PTK2: variants seen among roughly 807,000 people sequenced by gnomAD.
The protein encoded by PTK2 is focal adhesion kinase 1.
PTK2 carries 45 observed loss-of-function variants against 150.1 expected under a neutral mutation model. That is an observed-to-expected ratio of 0.30 (90% CI 0.24 to 0.38). The LOEUF (loss-of-function observed/expected upper bound fraction) is 0.38. Among genes scored for constraint, PTK2 ranks in the 10% least tolerant of loss-of-function variants. PTK2 has a pLI of 1.00. For synonymous variants in PTK2, 432 were observed against 449.2 expected, an observed-to-expected ratio of 0.96 and a Z score of 0.48; for missense variants, 919 against 1,307.3, an observed-to-expected ratio of 0.70 and a Z score of 4.58.
intron 10 of PTK2, 22 bp downstream of exon 10, chr8:140,818,255 C>A (rs749259799): frequency 6.3e-7 from 1 of 1,595,646 alleles, no homozygotes; most frequent in Non-Finnish European, 8.6e-7. Flanking sequence ...GCCAAGTTCC[C>A]GAAAGGTCAG....
chr8:140,666,627 G>A lies in PTK2; in HGVS notation c.2866-1630C>T, dbSNP rs141824289. Among the ~76,000 whole-genome samples the A allele has an allele frequency of 4.3e-3, 656 of 152,126 alleles. 4 individuals are homozygous for A. Among genetic ancestry groups the A allele is most frequent in the African/African-American group, 0.015 (625 of 41,452 alleles). On this transcript the variant is annotated intron_variant, in intron 30 of 31. Transcript: ENST00000522684. ...AAAATAACCCCCCAGAAAATAACAC[G>A]TTTTGGTGAGAATATGGAGAAACTG...
intron 22 of PTK2, among the ~76,000 whole-genome samples, chr8:140,730,028 T>A (rs972775789): frequency 6.6e-6 from 1 of 152,242 alleles, no homozygotes; most frequent in Non-Finnish European, 1.5e-5. Flanking sequence ...GTTATTTCAA[T>A]GTTATAACTA....
intron 4 of PTK2, among the ~76,000 whole-genome samples, chr8:140,873,443 C>T (rs2100143716): frequency 6.6e-6 from 1 of 151,052 alleles, no homozygotes. Flanking sequence ...TCTTGTGTAT[C>T]TATTACTGAA....
At chr8:140,834,096 G>C (rs2100117203) in intron 7 of PTK2, among the ~76,000 whole-genome samples, 1 of 152,202 alleles carries the variant, frequency 6.6e-6, no homozygotes, top group East Asian at 1.9e-4. Context: ...AACTAGGTGG[G>C]GCAGTCACAG....
At chr8:140,794,850 T>C (rs866355174) in intron 12 of PTK2, among the ~76,000 whole-genome samples, 1 of 152,270 alleles carries the variant, frequency 6.6e-6, no homozygotes, top group Middle Eastern at 3.4e-3. Context: ...TACCTCTAGC[T>C]TGGACCTCTC....
chr8:140,949,546 G>T (rs936176322), intron 1 of PTK2, among the ~76,000 whole-genome samples: 16 of 152,394 alleles, frequency 1.0e-4, no homozygotes, highest in Middle Eastern at 3.4e-3. Context: ...CAAAGTTGTG[G>T]CTGAGCCTGA....
intron 1 of PTK2, among the ~76,000 whole-genome samples, chr8:140,967,461 C>CTTT (rs137959476): frequency 3.3e-5 from 4 of 121,514 alleles, no homozygotes; most frequent in East Asian, 2.3e-4. Flanking sequence ...TTCTTTCTTT[C>CTTT]TTTTTTTTTT....
chr8:140,774,503 C>T (rs1430461899), intron 14 of PTK2, among the ~76,000 whole-genome samples: 1 of 152,188 alleles, frequency 6.6e-6, no homozygotes, highest in African/African-American at 2.4e-5. Context: ...GCATGGAACA[C>T]TGTGGAACAT....
intron 11 of PTK2, among the ~76,000 whole-genome samples, chr8:140,803,171 T>C (rs950756129): frequency 4.0e-5 from 6 of 151,824 alleles, no homozygotes; most frequent in African/African-American, 1.5e-4. Context: ...TGCACCACCA[T>C]GCCTGGCTTA....
chr8:140,734,792 T>C (rs747752547), intron 22 of PTK2: 4 of 514,908 alleles, frequency 7.8e-6, no homozygotes, highest in African/African-American at 7.7e-5. Flanking sequence ...TTCTGAAAAC[T>C]GAATAAAAGT....
intron 10 of PTK2, among the ~76,000 whole-genome samples, chr8:140,817,316 G>A (rs1182644871): frequency 6.6e-6 from 1 of 152,178 alleles, no homozygotes; most frequent in Non-Finnish European, 1.5e-5. Flanking sequence ...AGCAGAGTGG[G>A]AATGGAAACC....
chr8:140,685,748 A>G (rs1456192834), intron 27 of PTK2, among the ~76,000 whole-genome samples: 1 of 152,024 alleles, frequency 6.6e-6, no homozygotes, highest in Non-Finnish European at 1.5e-5. Flanking sequence ...TAACAGATGC[A>G]AGGTTGTGGA....
chr8:140,900,134 G>A lies in PTK2; in HGVS notation c.-32-9365C>T, dbSNP rs73356521. ...TAGACAAGAGAAATAAAAGGCACCCGAATCGACAAGGAAGATGTCAAATTA... is the reference window on the plus strand; with the variant it reads ...TAGACAAGAGAAATAAAAGGCACCCAAATCGACAAGGAAGATGTCAAATTA... On this transcript the variant is annotated intron_variant, in intron 2 of 31. Transcript: ENST00000522684. Among the ~76,000 whole-genome samples the A allele has an allele frequency of 4.2e-3, 635 of 152,214 alleles. 9 individuals carry two copies. Among genetic ancestry groups the A allele is most frequent in the African/African-American group, 0.015 (603 of 41,546 alleles).
chr8:140,797,925 C>T (rs556162779), intron 12 of PTK2, among the ~76,000 whole-genome samples: 106 of 152,268 alleles, frequency 7.0e-4, no homozygotes, highest in African/African-American at 2.5e-3. Context: ...GAATTACAGA[C>T]ATGAGCCACT....
chr8:140,895,384 T>C (rs1221954503), intron 2 of PTK2, among the ~76,000 whole-genome samples: 1 of 152,076 alleles, frequency 6.6e-6, no homozygotes, highest in Admixed American at 6.6e-5. Context: ...CAGCTGGGCA[T>C]GGTGGTGTGT....
chr8:140,929,976 G>T (rs1337734803), intron 1 of PTK2, among the ~76,000 whole-genome samples: 1 of 151,980 alleles, frequency 6.6e-6, no homozygotes, highest in African/African-American at 2.4e-5. Flanking sequence ...CAAAATAATT[G>T]GACAGAGTCC....
At chr8:140,850,864 G>A (rs1242139193) in intron 5 of PTK2, among the ~76,000 whole-genome samples, 1 of 152,176 alleles carries the variant, frequency 6.6e-6, no homozygotes, top group African/African-American at 2.4e-5. Context: ...TATAAAAACT[G>A]TTCACATTTT....
At chr8:140,854,455 G>GA (rs1456222436) in intron 5 of PTK2, among the ~76,000 whole-genome samples, 1 of 152,130 alleles carries the variant, frequency 6.6e-6, no homozygotes, top group Admixed American at 6.5e-5. Context: ...AGTTGTGAGA[G>GA]AAAAAATAAA....
intron 7 of PTK2, among the ~76,000 whole-genome samples, chr8:140,837,356 C>T (rs2100119304): frequency 6.6e-6 from 1 of 152,166 alleles, no homozygotes; most frequent in Non-Finnish European, 1.5e-5. Flanking sequence ...AAAGAAAAAA[C>T]CCTTAAGCTT....
Sources: gnomAD v4.1 joint callset for allele counts (sites outside exome capture counted in the v4.1 genomes callset) on GRCh38, gnomAD v4.1.1 for gene constraint, MANE v1.5 for transcripts, NCBI Gene and HGNC (gene_info 2026-07-23, HGNC 2026-07-21) for gene names.